Variants in DLC1 observed in about 807,000 individuals in gnomAD.
DLC1 encodes rho GTPase-activating protein 7.
Under a neutral mutation model 140.3 loss-of-function variants are expected in DLC1, and 54 were observed. The ratio of observed to expected loss-of-function variants is 0.38; its 90% CI spans 0.31 to 0.48. DLC1 has a LOEUF of 0.48. DLC1 is among the 20% of genes least tolerant of loss of function. The probability of loss-of-function intolerance (pLI) is 0.96; values close to 1 mark genes in which losing one functional copy is unlikely to be tolerated. For missense variants in DLC1, 2,536 were observed against 1,907.0 expected (o/e 1.33, Z -6.14); for synonymous variants, 986 against 728.1 (o/e 1.35, Z -5.70).
chr8:13,129,712 T>C (rs929553973), intron 5 of DLC1, among the ~76,000 whole-genome samples: 5 of 152,242 alleles, frequency 3.3e-5, no homozygotes, highest in African/African-American at 1.2e-4. Context: ...CTTGGCATGA[T>C]GTGGGTCTGG....
intron 5 of DLC1, among the ~76,000 whole-genome samples, chr8:13,259,358 C>G (rs1258048947): frequency 6.6e-6 from 1 of 151,598 alleles, no homozygotes; most frequent in Non-Finnish European, 1.5e-5. Flanking sequence ...ATTTTAATCA[C>G]TTAAAATTTT....
At chr8:13,127,180 GC>G (rs1821653731) in intron 5 of DLC1, among the ~76,000 whole-genome samples, 1 of 152,208 alleles carries the variant, frequency 6.6e-6, no homozygotes. Context: ...GGGACACCCA[GC>G]CCCCTAAATG....
At chr8:13,443,766 GC>G (rs1798652650) in intron 2 of DLC1, among the ~76,000 whole-genome samples, 1 of 152,070 alleles carries the variant, frequency 6.6e-6, no homozygotes. Context: ...CTTTCCCCAG[GC>G]TTTTCATGAT....
At chr8:13,453,492 ATATATATATG>A (rs1799231490) in intron 2 of DLC1, among the ~76,000 whole-genome samples, 1 of 33,386 alleles carries the variant, frequency 3.0e-5, no homozygotes, top group Non-Finnish European at 5.3e-5. Context: ...ATATATATAC[ATATATATATG>A]TATATATATA....
chr8:13,183,003 G>T (rs984927971), intron 5 of DLC1, among the ~76,000 whole-genome samples: 1 of 152,260 alleles, frequency 6.6e-6, no homozygotes, highest in African/African-American at 2.4e-5. Flanking sequence ...GTTGAGCAGT[G>T]GTTTGTAGTT....
chr8:13,246,837 T>C (rs1385461191), intron 5 of DLC1, among the ~76,000 whole-genome samples: 1 of 152,132 alleles, frequency 6.6e-6, no homozygotes, highest in Non-Finnish European at 1.5e-5. Context: ...CTAATATTTG[T>C]TGAATGAATA....
At chr8:13,221,493 C>G (rs1435340653) in intron 5 of DLC1, among the ~76,000 whole-genome samples, 1 of 151,486 alleles carries the variant, frequency 6.6e-6, no homozygotes. Context: ...GTCTCAGCCT[C>G]CTGAGTAGCT....
chr8:13,311,956 T>C (rs1041075517), intron 4 of DLC1, among the ~76,000 whole-genome samples: 4 of 152,218 alleles, frequency 2.6e-5, no homozygotes, highest in Non-Finnish European at 4.4e-5. Context: ...CCATGCTGTC[T>C]TGAGATACCT....
intron 1 of DLC1, among the ~76,000 whole-genome samples, chr8:13,560,030 A>G (rs891240968): frequency 2.0e-5 from 3 of 152,246 alleles, no homozygotes; most frequent in South Asian, 2.1e-4. Flanking sequence ...ATATTATGTT[A>G]TCATACAATT....
chr8:13,325,505 C>T (rs1004710466), intron 4 of DLC1, among the ~76,000 whole-genome samples: 9 of 151,826 alleles, frequency 5.9e-5, no homozygotes, highest in Non-Finnish European at 1.0e-4. Flanking sequence ...GTCATGTATG[C>T]TGGTGTAAAA....
rs1473493096 is a variant in DLC1, at chr8:13,570,468, C to G, written c.-126+34069G>C. Among the ~76,000 whole-genome samples the G allele has an allele frequency of 3.0e-5, 4 of 132,306 alleles. No individual in the cohort carries two copies. The East Asian group carries it at 7.0e-4, about 23-fold the overall frequency. 86.8% of individuals were successfully genotyped at this position (132,306 alleles called of 152,430 possible). A position where few individuals can be genotyped will look rare whatever the true frequency, so the allele number is the denominator to read the frequency against. On this transcript the variant is annotated intron_variant, in intron 1 of 1. Coordinates refer to the DLC1 transcript ENST00000631382. ...CCCTCCCCCCACCCCACCACAGTCC[C>G]CAGAGTGTGATATTCCCCTTCCTGT...
At chr8:13,431,445 T>C (rs1262440552) in intron 2 of DLC1, among the ~76,000 whole-genome samples, 2 of 115,866 alleles carry the variant, frequency 1.7e-5, no homozygotes, top group African/African-American at 6.7e-5. Flanking sequence ...ATCACGCCAC[T>C]GCACTCCAGC....
chr8:13,255,239 G>A (rs926623610), intron 5 of DLC1, among the ~76,000 whole-genome samples: 174 of 152,242 alleles, frequency 1.1e-3, no homozygotes, highest in African/African-American at 3.8e-3. Flanking sequence ...CCAAAGTGCT[G>A]GGATTACAGG....
At chr8:13,264,634 G>A (rs1248408938) in intron 5 of DLC1, among the ~76,000 whole-genome samples, 2 of 152,074 alleles carry the variant, frequency 1.3e-5, no homozygotes, top group Non-Finnish European at 2.9e-5. Flanking sequence ...GGGCACACAC[G>A]GGGCTGTAAC....
At chr8:13,433,415 G>T (rs150348886) in intron 2 of DLC1, among the ~76,000 whole-genome samples, 1 of 152,148 alleles carries the variant, frequency 6.6e-6, no homozygotes, top group Non-Finnish European at 1.5e-5. Context: ...TCAAGAAAAA[G>T]CATGGATTAA....
intron 1 of DLC1, among the ~76,000 whole-genome samples, chr8:13,501,238 A>G (rs1180924562): frequency 6.6e-6 from 1 of 152,192 alleles, no homozygotes; most frequent in Admixed American, 6.5e-5. Flanking sequence ...AGTAAACAAG[A>G]AAATCATGCA....
chr8:13,219,381 T>TACATTTC (rs767861728), intron 5 of DLC1, among the ~76,000 whole-genome samples: 65,360 of 125,450 alleles, frequency 0.52, 18,079 homozygotes, highest in East Asian at 0.83. Flanking sequence ...CTTATATAAT[T>TACATTTC]ATATTTCATA....
intron 5 of DLC1, among the ~76,000 whole-genome samples, chr8:13,301,514 A>G (rs1231772877): frequency 6.6e-6 from 1 of 152,248 alleles, no homozygotes; most frequent in Non-Finnish European, 1.5e-5. Flanking sequence ...TTGTTGCCTT[A>G]CATCAACAAC....
At chr8:13,374,507 G>A (rs533069392) in intron 4 of DLC1, among the ~76,000 whole-genome samples, 34 of 152,274 alleles carry the variant, frequency 2.2e-4, no homozygotes, top group Non-Finnish European at 4.4e-4. Context: ...ACCCCAGGCC[G>A]GGTACAGTGG....
Sources: gnomAD v4.1 joint callset for allele counts (sites outside exome capture counted in the v4.1 genomes callset) on GRCh38, gnomAD v4.1.1 for gene constraint, MANE v1.5 for transcripts, NCBI Gene and HGNC (gene_info 2026-07-23, HGNC 2026-07-21) for gene names.